The following PRKG2 variants were observed in gnomAD, a reference collection of about 807,000 sequenced individuals.
PRKG2 encodes the protein cGMP-dependent protein kinase 2.
In PRKG2, 33 loss-of-function variants were observed where a neutral mutation model predicts 97.2. That is an observed-to-expected ratio of 0.34 (90% CI 0.26 to 0.45). PRKG2 has a LOEUF of 0.45. Among genes scored for constraint, PRKG2 ranks in the 20% least tolerant of loss-of-function variants. PRKG2 has a pLI of 1.00. For missense variants in PRKG2, 638 were observed against 900.0 expected (o/e 0.71, Z 3.73); for synonymous variants, 330 against 321.8 (o/e 1.03, Z -0.27).
At chr4:81,100,369 C>G (rs1052576709) in intron 17 of PRKG2, among the ~76,000 whole-genome samples, 1 of 152,042 alleles carries the variant, frequency 6.6e-6, no homozygotes, top group African/African-American at 2.4e-5. Flanking sequence ...AACAGAGATG[C>G]AGACCAATGG....
At chr4:81,124,908 A>T (rs888926101) in intron 14 of PRKG2, among the ~76,000 whole-genome samples, 3 of 152,092 alleles carry the variant, frequency 2.0e-5, no homozygotes, top group African/African-American at 7.2e-5. Flanking sequence ...CCTTTACCTG[A>T]TGATTGGTGT....
chr4:81,148,682 C>A (rs1200717075), intron 9 of PRKG2, among the ~76,000 whole-genome samples: 1 of 152,142 alleles, frequency 6.6e-6, no homozygotes, highest in African/African-American at 2.4e-5. Flanking sequence ...TTTAGCCTTC[C>A]AGCATCTGCC....
upstream of PRKG2, among the ~76,000 whole-genome samples, chr4:81,215,585 T>C (rs1029438193): frequency 2.6e-5 from 4 of 151,940 alleles, no homozygotes; most frequent in South Asian, 2.1e-4. Flanking sequence ...CTGCAGGCTC[T>C]CTCCACTTCG....
chr4:81,110,916 G>A (rs896025581), intron 14 of PRKG2, among the ~76,000 whole-genome samples: 1 of 151,628 alleles, frequency 6.6e-6, no homozygotes, highest in Non-Finnish European at 1.5e-5. Context: ...GAATGGCTTA[G>A]CAAAGGGGAT....
chr4:81,122,978 C>T (rs1426072102), intron 14 of PRKG2, among the ~76,000 whole-genome samples: 1 of 152,178 alleles, frequency 6.6e-6, no homozygotes, highest in Non-Finnish European at 1.5e-5. Flanking sequence ...CCCATTTTTG[C>T]TACTTGATGA....
chr4:81,106,309 A>C (rs1197882799), intron 15 of PRKG2, among the ~76,000 whole-genome samples: 1 of 152,186 alleles, frequency 6.6e-6, no homozygotes, highest in Non-Finnish European at 1.5e-5. Context: ...AATGCACCGC[A>C]CCACTACCTA....
intron 1 of PRKG2, among the ~76,000 whole-genome samples, chr4:81,206,158 T>C (rs888602398): frequency 6.6e-6 from 1 of 152,228 alleles, no homozygotes; most frequent in Non-Finnish European, 1.5e-5. Flanking sequence ...ATGTGTGAAC[T>C]TTGGGAAATA....
intron 14 of PRKG2, among the ~76,000 whole-genome samples, chr4:81,111,693 G>A (rs1344301882): frequency 2.0e-5 from 3 of 152,064 alleles, no homozygotes; most frequent in East Asian, 1.9e-4. Context: ...AAAGAACTCC[G>A]TGCACAGAAT....
intron 14 of PRKG2, among the ~76,000 whole-genome samples, chr4:81,129,784 C>A (rs953002826): frequency 1.3e-5 from 2 of 152,098 alleles, no homozygotes; most frequent in Admixed American, 6.6e-5. Flanking sequence ...TGACTCTATC[C>A]AATTTGCCAC....
intron 2 of PRKG2, among the ~76,000 whole-genome samples, chr4:81,202,923 G>A (rs1452606557): frequency 6.6e-6 from 1 of 151,952 alleles, no homozygotes; most frequent in Non-Finnish European, 1.5e-5. Context: ...ATAGGGAGAA[G>A]GTCAAAGGAG....
At chr4:81,192,499 C>T (rs1442234144) in intron 2 of PRKG2, among the ~76,000 whole-genome samples, 1 of 152,164 alleles carries the variant, frequency 6.6e-6, no homozygotes, top group African/African-American at 2.4e-5. Flanking sequence ...TCTGGCACTA[C>T]CTAGCTTCAA....
chr4:81,198,302 C>G (rs1753089032), intron 2 of PRKG2, among the ~76,000 whole-genome samples: 1 of 146,712 alleles, frequency 6.8e-6, no homozygotes, highest in Admixed American at 6.8e-5. Flanking sequence ...AGCTCATTGG[C>G]TCCTAGAGAA....
At chr4:81,165,809 G>A (rs1015164970) in intron 6 of PRKG2, among the ~76,000 whole-genome samples, 7 of 152,014 alleles carry the variant, frequency 4.6e-5, no homozygotes, top group South Asian at 4.2e-4. Context: ...CTATAAATAC[G>A]TCTAATTTAC....
Position 81,164,135 on chromosome 4 carries a change from G to A in PRKG2, c.912+3026C>T, listed in dbSNP as rs529499586. ...AGATACTACAAAATGAAAAACAACA[G>A]AAGTTATTTCTATTTGGGTGAGCCA... is the stretch of plus-strand genomic sequence containing the variant. On this transcript the variant is annotated intron_variant, in intron 6 of 18. Coordinates refer to ENST00000264399, the MANE Select transcript of PRKG2 (RefSeq NM_006259.3). 1.9e-3 allele frequency among the ~76,000 whole-genome samples: 296 copies of A among 152,242 alleles called. 1 individual carries two copies. Among genetic ancestry groups the A allele is most frequent in the Middle Eastern group, 0.017 (5 of 294 alleles).
intron 2 of PRKG2, among the ~76,000 whole-genome samples, chr4:81,190,715 C>T (rs1361353603): frequency 6.6e-6 from 1 of 151,688 alleles, no homozygotes; most frequent in Non-Finnish European, 1.5e-5. Flanking sequence ...ATCCAGAATC[C>T]CCAAATAACT....
intron 2 of PRKG2, among the ~76,000 whole-genome samples, chr4:81,190,699 G>A (rs910337250): frequency 1.3e-5 from 2 of 152,022 alleles, no homozygotes; most frequent in African/African-American, 4.8e-5. Flanking sequence ...TTGACAAAGG[G>A]CTAATATCCA....
intron 4 of PRKG2, among the ~76,000 whole-genome samples, chr4:81,171,366 G>A (rs1357669173): frequency 6.6e-6 from 1 of 152,060 alleles, no homozygotes; most frequent in African/African-American, 2.4e-5. Flanking sequence ...TGGCTGTGTA[G>A]CATTCCATAA....
At chr4:81,145,507 C>T (rs962769548) in intron 9 of PRKG2, among the ~76,000 whole-genome samples, 1 of 152,086 alleles carries the variant, frequency 6.6e-6, no homozygotes, top group African/African-American at 2.4e-5. Flanking sequence ...CAGCCAACAT[C>T]TCATTACCTT....
At chr4:81,158,692 A>G (rs1331957378) in intron 6 of PRKG2, among the ~76,000 whole-genome samples, 3 of 152,172 alleles carry the variant, frequency 2.0e-5, no homozygotes, top group Non-Finnish European at 4.4e-5. Context: ...ACCTGACTTC[A>G]AACTATACTA....
Sources: gnomAD v4.1 joint callset for allele counts (sites outside exome capture counted in the v4.1 genomes callset) on GRCh38, gnomAD v4.1.1 for gene constraint, MANE v1.5 for transcripts, NCBI Gene and HGNC (gene_info 2026-07-23, HGNC 2026-07-21) for gene names.